EZR: variants seen among roughly 807,000 people sequenced by gnomAD.
EZR encodes cytovillin 2.
EZR carries 40 observed loss-of-function variants against 74.8 expected under a neutral mutation model. The ratio of observed to expected loss-of-function variants is 0.53; its 90% CI spans 0.42 to 0.70. EZR has a LOEUF of 0.70. Ranked by LOEUF, EZR falls within the 30% of genes least tolerant of loss-of-function variation. The pLI is 0.00. For synonymous variants in EZR, 341 were observed against 283.3 expected (o/e 1.20, Z -2.05); for missense variants, 678 against 755.8 (o/e 0.90, Z 1.21).
In EZR at chr6:158,766,468, T is replaced by G. The variant is rs1194979252; in HGVS notation, c.*446A>C. On this transcript the variant is annotated 3_prime_UTR_variant, in exon 14 of 14. Coordinates refer to ENST00000367075, the MANE Select transcript of EZR (RefSeq NM_001111077.2). ...AATAATTTTCACCCCTCTAAGCATG[T>G]AAATATACAAAGATGGATCCTTCAT... 6.3e-6 allele frequency: 1 copy of G among 158,114 alleles called. No homozygotes were observed. Among genetic ancestry groups the G allele is most frequent in the Non-Finnish European group, 1.4e-5 (1 of 71,900 alleles). The allele number at this position is 158,114 out of a possible 1,614,324, so 9.8% of individuals were successfully genotyped here.
chr6:158,817,237 T>TC (rs1777577252), intron 2 of EZR, among the ~76,000 whole-genome samples: 1 of 152,082 alleles, frequency 6.6e-6, no homozygotes, highest in South Asian at 2.1e-4. Flanking sequence ...TGTTAAACCT[T>TC]CCCCCTAATG....
rs117488956 is a variant in EZR, at chr6:158,815,666, T to C, written c.12+2416A>G. 1.5e-3 allele frequency among the ~76,000 whole-genome samples: 233 copies of C among 152,268 alleles called. 8 individuals are homozygous for C. In the East Asian group the frequency reaches 0.042, roughly 28 times the overall value. On this transcript the variant is annotated intron_variant, in intron 2 of 13. Transcript: ENST00000367075. ...TTTTTTGTAGAAACAGAGTCTATGT[T>C]GGCCAGGCAAGTCTCGAACTCCTGG...
intron 9 of EZR, 57 bp from the exon 10 acceptor site, chr6:158,770,951 G>GT: frequency 5.6e-6 from 9 of 1,611,806 alleles, no homozygotes; most frequent in Non-Finnish European, 7.6e-6. Context: ...AAAGTGAGGG[G>GT]TCAACACACT....
At chr6:158,777,574 C>T (rs1165545240) in intron 7 of EZR, among the ~76,000 whole-genome samples, 1 of 152,232 alleles carries the variant, frequency 6.6e-6, no homozygotes, top group African/African-American at 2.4e-5. Context: ...AACAATGCTG[C>T]CCTCCAAAGC....
At chr6:158,776,317 T>C in intron 8 of EZR, 91 bp downstream of exon 8, 1 of 1,061,694 alleles carries the variant, frequency 9.4e-7, no homozygotes, top group Non-Finnish European at 1.5e-6. Context: ...GGACTATCAC[T>C]GGCTACTCGT....
chr6:158,790,610 G>A (rs1039272071), intron 2 of EZR, among the ~76,000 whole-genome samples: 2 of 152,176 alleles, frequency 1.3e-5, no homozygotes, highest in South Asian at 2.1e-4. Context: ...GGAGGCGGAG[G>A]TTGCAGTGAG....
intron 2 of EZR, among the ~76,000 whole-genome samples, chr6:158,810,933 G>A (rs1777439507): frequency 6.6e-6 from 1 of 152,204 alleles, no homozygotes; most frequent in Admixed American, 6.5e-5. Context: ...TAGGTTCACA[G>A]ATGCTAAATG....
At chr6:158,781,843 A>C (rs1455626616) in intron 7 of EZR, among the ~76,000 whole-genome samples, 1 of 151,252 alleles carries the variant, frequency 6.6e-6, no homozygotes, top group Non-Finnish European at 1.5e-5. Context: ...GGCTTACTAC[A>C]ACCTCTGCCT....
intron 2 of EZR, among the ~76,000 whole-genome samples, chr6:158,803,886 T>C (rs1777272242): frequency 1.3e-5 from 2 of 151,812 alleles, no homozygotes; most frequent in African/African-American, 4.8e-5. Flanking sequence ...ATCATGACCT[T>C]AGAACTAGAA....
At chr6:158,771,561 G>C (rs1360631118) in intron 8 of EZR, among the ~76,000 whole-genome samples, 154 bp from the exon 9 acceptor site, 1 of 152,194 alleles carries the variant, frequency 6.6e-6, no homozygotes, top group East Asian at 1.9e-4. Flanking sequence ...GCATTCTCCA[G>C]GACAGATGGA....
At position 158,765,840 on chromosome 6, in the gene EZR, G is replaced by C. The variant is rs1194471519; in HGVS notation, c.*1074C>G. Reference sequence around the variant, plus strand: ...GAAGGAGAAAGCAGTGCACGAGAAGGAATGAGTGGGCGGAACCAACGGCCT... The same window carrying C: ...GAAGGAGAAAGCAGTGCACGAGAAGCAATGAGTGGGCGGAACCAACGGCCT... On this transcript the variant is annotated 3_prime_UTR_variant, in exon 14 of 14. Coordinates refer to ENST00000367075, the MANE Select transcript of EZR (RefSeq NM_001111077.2). The C allele has an allele frequency of 6.6e-6, 1 of 152,260 alleles. No individual in the cohort carries two copies. The highest frequency in any genetic ancestry group is 6.5e-5 in the Admixed American group (1 of 15,282). The allele number at this position is 152,260 out of a possible 1,614,324, so 9.4% of individuals were successfully genotyped here. A position where few individuals can be genotyped will look rare whatever the true frequency, so the allele number is the denominator to read the frequency against.
At chr6:158,774,250 C>A (rs1294558882) in intron 8 of EZR, among the ~76,000 whole-genome samples, 1 of 152,146 alleles carries the variant, frequency 6.6e-6, no homozygotes, top group East Asian at 1.9e-4. Context: ...GTGGGGGTGA[C>A]AGAACTCCAC....
In EZR at chr6:158,787,193, G is replaced by A; in HGVS notation, c.107C>T (p.Thr36Ile). The A allele has an allele frequency of 6.2e-7, 1 of 1,612,860 alleles. No individual in the cohort carries two copies. The highest frequency in any genetic ancestry group is 8.5e-7 in the Non-Finnish European group (1 of 1,178,968). Reference protein sequence around the residue: ...GKQLFDQVVKTIGLREVWYFG... With the variant: ...GKQLFDQVVKIIGLREVWYFG... ...GTACCACACTTCCCGGAGGCCGATA[G>A]TCTTTACCACCTGCGTGAGAGAGAG... Residue 36 changes from threonine to isoleucine, a missense_variant, in exon 4 of 14, where the codon ACT (threonine) becomes ATT (isoleucine). This residue lies in a region of EZR where 217 missense variants were observed against 232.2 expected (regional missense o/e 0.93). Coordinates refer to ENST00000367075, the MANE Select transcript of EZR (RefSeq NM_001111077.2).
intron 10 of EZR, 77 bp from the exon 11 acceptor site, chr6:158,770,021 C>A (rs114011064): frequency 6.4e-7 from 1 of 1,571,354 alleles, no homozygotes; most frequent in South Asian, 1.1e-5. Context: ...ATTCCCACCC[C>A]CAAAGCCACA....
At chr6:158,817,036 G>C (rs1777572369) in intron 2 of EZR, among the ~76,000 whole-genome samples, 1 of 152,086 alleles carries the variant, frequency 6.6e-6, no homozygotes, top group Admixed American at 6.6e-5. Flanking sequence ...AGTGAGCCGA[G>C]ATCATGCCAC....
At chr6:158,804,280 A>C (rs1177899763) in intron 2 of EZR, among the ~76,000 whole-genome samples, 2 of 152,230 alleles carry the variant, frequency 1.3e-5, no homozygotes, top group East Asian at 3.8e-4. Context: ...CCCCTAAGAA[A>C]GGGAAAAGAA....
At chr6:158,818,275 C>A in intron 1 of EZR, 109 bp from the exon 2 acceptor site, 2 of 486,252 alleles carry the variant, frequency 4.1e-6, no homozygotes, top group South Asian at 3.6e-5. Context: ...CCGGCCAGCC[C>A]GGGCCCGGGT....
Position 158,767,523 on chromosome 6 carries a change from C to T in EZR, c.1345-11G>A, listed in dbSNP as rs974000424. Reference sequence around the variant, plus strand: ...CTGGGCTTCTTTGGCCTTTGGAAAGCAAATTAATAAGAGGACTTCTCACCC... The same window carrying T: ...CTGGGCTTCTTTGGCCTTTGGAAAGTAAATTAATAAGAGGACTTCTCACCC... On this transcript the variant is annotated splice_polypyrimidine_tract_variant and intron_variant, in intron 12 of 13. Coordinates refer to ENST00000367075, the MANE Select transcript of EZR (RefSeq NM_001111077.2). 2 of 1,560,990 alleles carry T rather than the reference C, an allele frequency of 1.3e-6. No individual in the cohort carries two copies. Among genetic ancestry groups the T allele is most frequent in the African/African-American group, 1.4e-5 (1 of 73,004 alleles).
At chr6:158,792,062 T>C (rs1367417038) in intron 2 of EZR, among the ~76,000 whole-genome samples, 1 of 152,012 alleles carries the variant, frequency 6.6e-6, no homozygotes, top group Non-Finnish European at 1.5e-5. Context: ...AGTGTGAAAA[T>C]GACATCTCCT....
Sources: gnomAD v4.1 joint callset for allele counts (sites outside exome capture counted in the v4.1 genomes callset) on GRCh38, gnomAD v4.1.1 for gene constraint, gnomAD v4.1.1 regional missense constraint, MANE v1.5 for transcripts, NCBI Gene and HGNC (gene_info 2026-07-23, HGNC 2026-07-21) for gene names.